PKD1L1: variants seen among roughly 807,000 people sequenced by gnomAD.
The protein encoded by PKD1L1 is polycystin-1-like protein 1.
A neutral mutation model predicts 323.4 loss-of-function variants in PKD1L1; 236 were observed. That is an observed-to-expected ratio of 0.73 (90% CI 0.66 to 0.81). PKD1L1 has a LOEUF of 0.81. Ranked by LOEUF, PKD1L1 falls within the 40% of genes least tolerant of loss-of-function variation. PKD1L1 has a pLI of 0.00. For missense variants in PKD1L1, 3,320 were observed against 3,508.0 expected (o/e 0.95, Z 1.35); for synonymous variants, 1,344 against 1,335.0 (o/e 1.01, Z -0.15).
At position 47,795,881 on chromosome 7, in the gene PKD1L1, G is replaced by T; in HGVS notation, c.8355+108C>A. ...TTTTGTGGCTTTGCAAGGAGATTTG[G>T]CATGGAAACATACTCATGCTTTGAT... On this transcript the variant is annotated intron_variant, in intron 55 of 56. Transcript: ENST00000289672. The T allele has an allele frequency of 7.6e-6, 10 of 1,317,664 alleles. No individual in the cohort carries two copies. In the South Asian group the frequency reaches 1.2e-4, roughly 15 times the overall value. 81.6% of individuals were successfully genotyped at this position (1,317,664 alleles called of 1,614,324 possible).
intron 54 of PKD1L1, 95 bp downstream of exon 54, chr7:47,800,554 T>C (rs1448622667): frequency 1.6e-6 from 2 of 1,263,844 alleles, no homozygotes; most frequent in Non-Finnish European, 2.2e-6. Context: ...TGGCCTGTGT[T>C]GCCTGGCCCT....
chr7:47,829,574 A>G lies in PKD1L1; in HGVS notation c.6586T>C (p.Trp2196Arg), dbSNP rs1785302482. ...MVCLMALGFA[W>R]KRRADNHFFT... ...AAGTGGTTGTCAGCTCTTCTTTTCC[A>G]AGCAAAACCCAAGGCCATGAGGCAT... The change falls in exon 44 of 57, where the codon TGG becomes CGG. Residue 2196 changes from tryptophan (W) to arginine (R), a missense_variant. Coordinates refer to ENST00000289672, the MANE Select transcript of PKD1L1 (RefSeq NM_138295.5). 6.2e-7 allele frequency: 1 copy of G among 1,612,778 alleles called. No homozygotes were observed. Among genetic ancestry groups the G allele is most frequent in the Admixed American group, 1.7e-5 (1 of 59,690 alleles).
chr7:47,891,509 G>T (rs1786818000), intron 15 of PKD1L1, among the ~76,000 whole-genome samples: 1 of 152,206 alleles, frequency 6.6e-6, no homozygotes, highest in South Asian at 2.1e-4. Flanking sequence ...CTTTTCAAAG[G>T]TGTCACCTAA....
chr7:47,904,929 T>G (rs1787171223), intron 11 of PKD1L1, among the ~76,000 whole-genome samples: 1 of 152,188 alleles, frequency 6.6e-6, no homozygotes, highest in Admixed American at 6.5e-5. Context: ...AACCTAGGAC[T>G]GTCTGCTTCA....
At chr7:47,883,293 GC>G (rs1481290167) in intron 19 of PKD1L1, among the ~76,000 whole-genome samples, 4 of 152,208 alleles carry the variant, frequency 2.6e-5, no homozygotes, top group Admixed American at 6.5e-5. Flanking sequence ...AAAAGGCCCA[GC>G]CTGCAATGTG....
intron 33 of PKD1L1, among the ~76,000 whole-genome samples, 171 bp from the exon 34 acceptor site, chr7:47,843,340 G>A (rs1257493488): frequency 6.6e-6 from 1 of 152,108 alleles, no homozygotes; most frequent in Non-Finnish European, 1.5e-5. Flanking sequence ...GCAGGGAGCT[G>A]GCCTGTGGTC....
chr7:47,845,444 C>A (rs186820191), intron 32 of PKD1L1, among the ~76,000 whole-genome samples: 1 of 152,346 alleles, frequency 6.6e-6, no homozygotes, highest in Non-Finnish European at 1.5e-5. Flanking sequence ...CTGGCCAACT[C>A]CTCTGCCTAA....
At position 47,836,999 on chromosome 7, in the gene PKD1L1, C is replaced by T. The variant is rs112879160; in HGVS notation, c.5865G>A (p.Pro1955=). 1.5e-3 allele frequency: 2,343 copies of T among 1,614,174 alleles called. 2 individuals carry two copies. Among genetic ancestry groups the T allele is most frequent in the Admixed American group, 2.1e-3 (124 of 60,030 alleles). The change falls in exon 37 of 57, where the codon CCG becomes CCA. Residue 1955 remains proline (P), a synonymous_variant. Coordinates refer to ENST00000289672, the MANE Select transcript of PKD1L1 (RefSeq NM_138295.5). ...GCAGGGAGAAGGACACGGTGAGGCG[C>T]GGCGTGTGCAGGTAGCGGCTGGAGG... is the stretch of plus-strand genomic sequence containing the variant. ...RPSSSRYLHT[P]RLTVSFSLLC...
intron 31 of PKD1L1, among the ~76,000 whole-genome samples, chr7:47,849,086 A>T (rs1208058333): frequency 3.3e-5 from 5 of 152,242 alleles, no homozygotes; most frequent in African/African-American, 1.2e-4. Flanking sequence ...AAACAAAAAC[A>T]TAAAGTGAGG....
intron 24 of PKD1L1, among the ~76,000 whole-genome samples, chr7:47,869,517 G>A (rs912479497): frequency 6.6e-6 from 1 of 151,972 alleles, no homozygotes; most frequent in Non-Finnish European, 1.5e-5. Flanking sequence ...CAATAAAGAG[G>A]GACATTTCCT....
At chr7:47,857,556 C>A (rs757261178) in intron 28 of PKD1L1, 49 bp downstream of exon 28, 2 of 1,528,896 alleles carry the variant, frequency 1.3e-6, no homozygotes, top group East Asian at 2.3e-5. Context: ...CCAATTACTG[C>A]AAATTTGAAA....
intron 27 of PKD1L1, among the ~76,000 whole-genome samples, chr7:47,858,440 CA>C (rs946632184): frequency 6.6e-6 from 1 of 151,466 alleles, no homozygotes; most frequent in Non-Finnish European, 1.5e-5. Flanking sequence ...TCTACCAAAA[CA>C]AAAAAAGGAT....
chr7:47,927,922 A>G (rs1125242), intron 7 of PKD1L1, among the ~76,000 whole-genome samples: 15,533 of 152,276 alleles, frequency 0.1, 902 homozygotes, highest in South Asian at 0.2. Context: ...AACAATTTCA[A>G]TGTTCAGCAA....
chr7:47,926,909 A>T (rs1787666125), intron 7 of PKD1L1, among the ~76,000 whole-genome samples: 2 of 152,230 alleles, frequency 1.3e-5, no homozygotes, highest in Admixed American at 6.5e-5. Flanking sequence ...AGGTAGAGAG[A>T]GCACGCCCCA....
chr7:47,858,578 T>C (rs1785953377), intron 27 of PKD1L1, 95 bp downstream of exon 27: 4 of 1,158,886 alleles, frequency 3.5e-6, no homozygotes, highest in Non-Finnish European at 5.1e-6. Flanking sequence ...AGAAACTGAT[T>C]CTGTTTTTGG....
intron 56 of PKD1L1, among the ~76,000 whole-genome samples, chr7:47,784,868 T>C (rs1450070860): frequency 6.6e-6 from 1 of 152,198 alleles, no homozygotes; most frequent in Non-Finnish European, 1.5e-5. Flanking sequence ...AGCTACCCTT[T>C]CCAGAGCCAC....
chr7:47,904,433 A>G lies in PKD1L1; in HGVS notation c.1876T>C (p.Phe626Leu). 6.2e-7 allele frequency: 1 copy of G among 1,614,150 alleles called. No individual in the cohort carries two copies. The highest frequency in any genetic ancestry group is 1.3e-5 in the African/African-American group (1 of 75,038). ...FGTDVAYLWD[F>L]GDGTVSLGSS... Reference sequence around the variant, plus strand: ...CCCAGGCTGACGGTGCCATCCCCAAAGTCCCACAGGTAGGCAACATCTGTG... The same window carrying G: ...CCCAGGCTGACGGTGCCATCCCCAAGGTCCCACAGGTAGGCAACATCTGTG... The change falls in exon 12 of 57, where the codon TTT becomes CTT. Residue 626 changes from phenylalanine to leucine, a missense_variant. Coordinates refer to ENST00000289672, the MANE Select transcript of PKD1L1 (RefSeq NM_138295.5).
At chr7:47,819,726 C>T (rs575850610) in intron 46 of PKD1L1, 50 of 445,626 alleles carry the variant, frequency 1.1e-4, no homozygotes, top group African/African-American at 7.0e-4. Flanking sequence ...TCTTACCTTA[C>T]GAGTGGGTCA....
chr7:47,845,186 A>G, intron 32 of PKD1L1, 108 bp from the exon 33 acceptor site: 1 of 856,234 alleles, frequency 1.2e-6, no homozygotes, highest in Non-Finnish European at 1.8e-6. Flanking sequence ...AGAGTGCAAT[A>G]ATGATAACTT....
Sources: allele counts gnomAD v4.1 joint callset (sites outside exome capture counted in the v4.1 genomes callset), GRCh38; gene constraint gnomAD v4.1.1; transcripts MANE v1.5; gene names NCBI Gene and HGNC (gene_info 2026-07-23, HGNC 2026-07-21).